The following LRRTM4 variants were observed in gnomAD, a reference collection of about 807,000 sequenced individuals.
LRRTM4 encodes leucine-rich repeat transmembrane neuronal protein 4.
In LRRTM4, 25 loss-of-function variants were observed where a neutral mutation model predicts 47.6. That is an observed-to-expected ratio of 0.53 (90% CI 0.38 to 0.73). LRRTM4 has a LOEUF of 0.73. Ranked by LOEUF, LRRTM4 falls within the 30% of genes least tolerant of loss-of-function variation. The pLI is 0.00. For synonymous variants in LRRTM4, 311 were observed against 269.5 expected (o/e 1.15, Z -1.51); for missense variants, 638 against 713.4 (o/e 0.89, Z 1.20).
intron 3 of LRRTM4, among the ~76,000 whole-genome samples, chr2:76,782,467 A>G (rs1674454676): frequency 6.6e-6 from 1 of 152,200 alleles, no homozygotes; most frequent in Admixed American, 6.5e-5. Flanking sequence ...TTTTAAGCAA[A>G]TATTCACAAC....
chr2:76,775,205 T>C (rs999790126), intron 3 of LRRTM4, among the ~76,000 whole-genome samples: 2 of 152,220 alleles, frequency 1.3e-5, no homozygotes, highest in African/African-American at 2.4e-5. Context: ...TGATGGCTTT[T>C]GCAATTTTTT....
At chr2:77,315,317 G>A (rs1677588462) in intron 3 of LRRTM4, among the ~76,000 whole-genome samples, 2 of 152,224 alleles carry the variant, frequency 1.3e-5, no homozygotes, top group South Asian at 2.1e-4. Context: ...TGACATTGTA[G>A]AAGTGTTTGT....
intron 3 of LRRTM4, among the ~76,000 whole-genome samples, chr2:77,041,270 C>T (rs1455652795): frequency 2.6e-5 from 4 of 151,548 alleles, no homozygotes; most frequent in African/African-American, 9.7e-5. Flanking sequence ...TTCTTATGGC[C>T]AAATAGTATT....
chr2:76,767,788 T>C (rs1558639579), intron 3 of LRRTM4, among the ~76,000 whole-genome samples: 1 of 152,204 alleles, frequency 6.6e-6, no homozygotes, highest in Non-Finnish European at 1.5e-5. Flanking sequence ...CCTCTTCACA[T>C]CTACTCTTGC....
At chr2:77,278,663 C>T (rs1010893592) in intron 3 of LRRTM4, among the ~76,000 whole-genome samples, 1 of 151,948 alleles carries the variant, frequency 6.6e-6, no homozygotes, top group Non-Finnish European at 1.5e-5. Context: ...CCATTTATCC[C>T]CATATAGCTG....
At chr2:76,858,639 G>A (rs532371944) in intron 3 of LRRTM4, among the ~76,000 whole-genome samples, 1 of 152,216 alleles carries the variant, frequency 6.6e-6, no homozygotes, top group East Asian at 1.9e-4. Context: ...TGATGATAGA[G>A]GAATCAAGTA....
intron 3 of LRRTM4, among the ~76,000 whole-genome samples, chr2:77,117,669 G>A (rs1198925562): frequency 1.3e-5 from 2 of 151,822 alleles, no homozygotes; most frequent in African/African-American, 4.8e-5. Context: ...AATAAAATCA[G>A]CTGATTTAAT....
intron 3 of LRRTM4, among the ~76,000 whole-genome samples, chr2:77,366,347 T>A (rs796294420): frequency 6.6e-6 from 1 of 151,932 alleles, no homozygotes; most frequent in South Asian, 2.1e-4. Flanking sequence ...TCTCTAGTTA[T>A]TCCTTCTGTC....
intron 3 of LRRTM4, among the ~76,000 whole-genome samples, chr2:77,417,077 G>C (rs962065285): frequency 2.7e-5 from 4 of 149,694 alleles, no homozygotes; most frequent in Non-Finnish European, 5.9e-5. Flanking sequence ...TCGAAAAGTG[G>C]GCAAAGGATA....
Position 76,984,934 on chromosome 2 carries a change from G to A in LRRTM4, c.1552-236018C>T, listed in dbSNP as rs76178788. Among the ~76,000 whole-genome samples the A allele has an allele frequency of 1.3e-3, 192 of 152,044 alleles. 6 individuals are homozygous for A. The East Asian group carries it at 0.034, about 27-fold the overall frequency. ...TTGAAAAAGCAAGCATTATTAACTC[G>A]TTTCAGAGCAAAATAATTATTTTTT... On this transcript the variant is annotated intron_variant, in intron 3 of 3. Coordinates refer to ENST00000409884, the MANE Select transcript of LRRTM4 (RefSeq NM_001134745.3).
intron 3 of LRRTM4, among the ~76,000 whole-genome samples, chr2:77,090,957 C>T (rs947967397): frequency 8.5e-5 from 13 of 152,080 alleles, no homozygotes; most frequent in Admixed American, 2.6e-4. Flanking sequence ...CGGAGGCTAC[C>T]CGCTCCACAT....
chr2:77,097,117 G>A (rs1048938624), intron 3 of LRRTM4, among the ~76,000 whole-genome samples: 2 of 151,430 alleles, frequency 1.3e-5, no homozygotes, highest in African/African-American at 4.8e-5. Flanking sequence ...TTTACCCCAG[G>A]GTTAATAATA....
At chr2:77,059,522 T>C (rs1025106258) in intron 3 of LRRTM4, among the ~76,000 whole-genome samples, 1 of 152,130 alleles carries the variant, frequency 6.6e-6, no homozygotes, top group Admixed American at 6.6e-5. Context: ...TGGAACACAT[T>C]CCATGTGCCT....
intron 3 of LRRTM4, among the ~76,000 whole-genome samples, chr2:77,068,919 T>TTTTTTTTTTTTTTTTTTTGAGACGG (rs1680053491): frequency 6.6e-6 from 1 of 152,208 alleles, no homozygotes; most frequent in African/African-American, 2.4e-5. Flanking sequence ...AAGGCATTCT[T>TTTTTTTTTTTTTTTTTTTGAGACGG]AAACCACAAA....
chr2:76,952,581 A>C (rs1402067940), intron 3 of LRRTM4, among the ~76,000 whole-genome samples: 1 of 151,980 alleles, frequency 6.6e-6, no homozygotes, highest in Non-Finnish European at 1.5e-5. Context: ...ACACTTATAC[A>C]CTGTTTGTGG....
chr2:76,823,807 T>C (rs564521636), intron 3 of LRRTM4, among the ~76,000 whole-genome samples: 1 of 151,618 alleles, frequency 6.6e-6, no homozygotes, highest in Non-Finnish European at 1.5e-5. Flanking sequence ...TGTTGGAGAA[T>C]GTTTGCCATG....
At chr2:76,801,531 G>A (rs13394235) in intron 3 of LRRTM4, among the ~76,000 whole-genome samples, 23,872 of 152,024 alleles carry the variant, frequency 0.16, 2,028 homozygotes, top group African/African-American at 0.2. Flanking sequence ...GGGGGAGGGG[G>A]AAGGGATAGC....
intron 3 of LRRTM4, among the ~76,000 whole-genome samples, chr2:77,393,647 A>G (rs1306312837): frequency 2.6e-5 from 4 of 152,086 alleles, no homozygotes; most frequent in African/African-American, 9.6e-5. Flanking sequence ...GTTTTTTGGA[A>G]CAATCACTTT....
chr2:77,150,783 A>G (rs184121493), intron 3 of LRRTM4, among the ~76,000 whole-genome samples: 3 of 152,272 alleles, frequency 2.0e-5, no homozygotes, highest in African/African-American at 7.2e-5. Flanking sequence ...ATTAAAAATA[A>G]ATTAAAATAA....
Sources: gnomAD v4.1 joint callset for allele counts (sites outside exome capture counted in the v4.1 genomes callset) on GRCh38, gnomAD v4.1.1 for gene constraint, MANE v1.5 for transcripts, NCBI Gene and HGNC (gene_info 2026-07-23, HGNC 2026-07-21) for gene names.